PLPPR5: variants seen among roughly 807,000 people sequenced by gnomAD.
The protein encoded by PLPPR5 is phospholipid phosphatase-related protein type 5.
PLPPR5 carries 16 observed loss-of-function variants against 33.9 expected under a neutral mutation model. The ratio of observed to expected loss-of-function variants is 0.47; its 90% CI spans 0.32 to 0.72. PLPPR5 has a LOEUF of 0.72. Among genes scored for constraint, PLPPR5 ranks in the 30% least tolerant of loss-of-function variants. The pLI, the probability that PLPPR5 is intolerant of heterozygous loss-of-function variation, is 0.03. For missense variants in PLPPR5, 301 were observed against 406.7 expected, an observed-to-expected ratio of 0.74 and a Z score of 2.23; for synonymous variants, 163 against 150.3, an observed-to-expected ratio of 1.08 and a Z score of -0.62.
intron 5 of PLPPR5, among the ~76,000 whole-genome samples, chr1:98,900,181 C>T (rs1648640610): frequency 6.6e-6 from 1 of 152,046 alleles, no homozygotes. Flanking sequence ...GCTTCTTTTT[C>T]ACTCCTTCTG....
chr1:98,918,697 T>C (rs1649446065), intron 4 of PLPPR5, among the ~76,000 whole-genome samples: 1 of 152,158 alleles, frequency 6.6e-6, no homozygotes, highest in South Asian at 2.1e-4. Flanking sequence ...CTGAGCCAAA[T>C]CTCAAATGTG....
At chr1:98,976,151 CT>C (rs978620858) in intron 1 of PLPPR5, among the ~76,000 whole-genome samples, 28 of 131,168 alleles carry the variant, frequency 2.1e-4, no homozygotes, top group African/African-American at 6.7e-4. Flanking sequence ...TCTCAAACAA[CT>C]TTTTTTTTAA....
rs181766467 is a variant in PLPPR5 at position 98,922,160 on chromosome 1, C to T, written c.622-102G>A. 492 of 1,021,930 alleles carry T rather than the reference C, an allele frequency of 4.8e-4. No individual in the cohort carries two copies. The African/African-American group carries it at 7.0e-3, about 15-fold the overall frequency. 63.3% of individuals were successfully genotyped at this position (1,021,930 alleles called of 1,614,324 possible). Reference sequence around the variant, plus strand: ...AAACATATATTTATAGACATATATACGCCTGTATGATTCAAATCATTAACT... The same window carrying T: ...AAACATATATTTATAGACATATATATGCCTGTATGATTCAAATCATTAACT... On this transcript the variant is annotated intron_variant, in intron 3 of 5. Transcript: ENST00000263177.
chr1:98,926,328 A>G (rs919106140), intron 3 of PLPPR5, among the ~76,000 whole-genome samples: 15 of 152,136 alleles, frequency 9.9e-5, no homozygotes, highest in African/African-American at 3.4e-4. Flanking sequence ...ATTGCACCCT[A>G]TAGTCTTAAC....
chr1:98,896,977 C>T (rs1448343523), intron 5 of PLPPR5, among the ~76,000 whole-genome samples: 1 of 151,970 alleles, frequency 6.6e-6, no homozygotes, highest in Non-Finnish European at 1.5e-5. Context: ...AAAAAGGGCA[C>T]TCCAGGGAAG....
At chr1:98,986,220 T>C (rs1419009502) in intron 1 of PLPPR5, among the ~76,000 whole-genome samples, 1 of 151,952 alleles carries the variant, frequency 6.6e-6, no homozygotes, top group East Asian at 1.9e-4. Context: ...AAAGTATATA[T>C]ACTTTGGCAT....
At chr1:98,956,209 T>C (rs1482720055) in intron 2 of PLPPR5, among the ~76,000 whole-genome samples, 1 of 152,204 alleles carries the variant, frequency 6.6e-6, no homozygotes, top group Non-Finnish European at 1.5e-5. Flanking sequence ...AATCACGTAA[T>C]TTTTGGCTCT....
chr1:98,924,381 C>T (rs1326969530), intron 3 of PLPPR5, among the ~76,000 whole-genome samples: 3 of 152,146 alleles, frequency 2.0e-5, no homozygotes, highest in Non-Finnish European at 2.9e-5. Flanking sequence ...TCCTAATCTT[C>T]CTTTCTTTTT....
chr1:98,992,387 T>G (rs1557696139), intron 1 of PLPPR5, among the ~76,000 whole-genome samples: 1 of 152,170 alleles, frequency 6.6e-6, no homozygotes, highest in Non-Finnish European at 1.5e-5. Flanking sequence ...TCTCTTAAAT[T>G]TATACCACTG....
chr1:98,939,617 C>A (rs879653300), intron 3 of PLPPR5, among the ~76,000 whole-genome samples: 11 of 152,146 alleles, frequency 7.2e-5, no homozygotes, highest in Middle Eastern at 3.4e-3. Flanking sequence ...CACACTCAAC[C>A]AGATGCTCTG....
At chr1:98,989,707 C>CA (rs1217473014) in intron 1 of PLPPR5, among the ~76,000 whole-genome samples, 2 of 152,108 alleles carry the variant, frequency 1.3e-5, no homozygotes, top group Non-Finnish European at 2.9e-5. Flanking sequence ...AGACAATAGC[C>CA]AAAACCCCAA....
At position 98,982,552 on chromosome 1, in the gene PLPPR5, T is replaced by G. The variant is rs867338104; in HGVS notation, c.237+21883A>C. ...TTTTTGTTTTCTATTTCTGCTTTCTTCGGCCCTTTTCTTTCCATAAAACCA... is the reference window on the plus strand; with the variant it reads ...TTTTTGTTTTCTATTTCTGCTTTCTGCGGCCCTTTTCTTTCCATAAAACCA... On this transcript the variant is annotated intron_variant, in intron 1 of 5. Transcript: ENST00000263177. Among the ~76,000 whole-genome samples, 10 of 152,236 alleles carry G rather than the reference T, an allele frequency of 6.6e-5. No individual in the cohort carries two copies. In the South Asian group the frequency reaches 1.0e-3, roughly 16 times the overall value.
intron 1 of PLPPR5, among the ~76,000 whole-genome samples, chr1:98,993,023 T>C (rs1432001929): frequency 6.6e-6 from 1 of 152,060 alleles, no homozygotes; most frequent in African/African-American, 2.4e-5. Flanking sequence ...GAAATAACAA[T>C]AGGGTCTCAT....
At chr1:98,990,845 G>A (rs1193922691) in intron 1 of PLPPR5, 1 of 151,580 alleles carries the variant, frequency 6.6e-6, no homozygotes, top group Non-Finnish European at 1.5e-5. Context: ...AAACAAGAGT[G>A]TCTAAACTAA....
At chr1:98,945,836 T>A (rs1057387966) in intron 3 of PLPPR5, among the ~76,000 whole-genome samples, 1 of 152,206 alleles carries the variant, frequency 6.6e-6, no homozygotes, top group Admixed American at 6.5e-5. Flanking sequence ...AAGCTGGTGA[T>A]GGTTTAGAAA....
At chr1:98,947,927 G>A (rs1437953309) in intron 3 of PLPPR5, among the ~76,000 whole-genome samples, 1 of 152,236 alleles carries the variant, frequency 6.6e-6, no homozygotes, top group Non-Finnish European at 1.5e-5. Context: ...AGAGCACAGG[G>A]ACCTTATACG....
rs1287704463 is a variant in PLPPR5 at position 98,962,468 on chromosome 1, ATTCTATTTCAAATAAGACCAC to A, written c.238-5748_238-5728del. Reference sequence around the variant, plus strand: ...TAAATCCTGTTGATTATATATCTTAATTCTATTTCAAATAAGACCACTTTTATCACTACCTCCATTTTAAAA... The same window carrying A: ...TAAATCCTGTTGATTATATATCTTAATTTTATCACTACCTCCATTTTAAAA... On this transcript the variant is annotated intron_variant, in intron 1 of 5. Coordinates refer to ENST00000263177, the MANE Select transcript of PLPPR5 (RefSeq NM_001037317.2). Among the ~76,000 whole-genome samples, 6 of 152,296 alleles carry A rather than the reference ATTCTATTTCAAATAAGACCAC, an allele frequency of 3.9e-5. No individual in the cohort carries two copies. In the South Asian group the frequency reaches 1.0e-3, roughly 26 times the overall value.
chr1:98,939,490 C>T (rs565124343), intron 3 of PLPPR5, among the ~76,000 whole-genome samples: 7 of 151,952 alleles, frequency 4.6e-5, no homozygotes, highest in Admixed American at 1.3e-4. Context: ...GGGAAATTCT[C>T]CACATGTATT....
rs576135063 is a variant in PLPPR5 at position 98,893,993 on chromosome 1, T to G, written c.934-889A>C. Among the ~76,000 whole-genome samples, 6 of 152,192 alleles carry G rather than the reference T, an allele frequency of 3.9e-5. No individual in the cohort carries two copies. In the South Asian group the frequency reaches 1.0e-3, roughly 26 times the overall value. Reference sequence around the variant, plus strand: ...AATGTTCTCAACATACATATAGCTTTTTTCAAGTTTAAGTATTTTAATTCA... The same window carrying G: ...AATGTTCTCAACATACATATAGCTTGTTTCAAGTTTAAGTATTTTAATTCA... On this transcript the variant is annotated intron_variant, in intron 5 of 5. Transcript: ENST00000263177.
Sources: gnomAD v4.1 joint callset for allele counts (sites outside exome capture counted in the v4.1 genomes callset) on GRCh38, gnomAD v4.1.1 for gene constraint, MANE v1.5 for transcripts, NCBI Gene and HGNC (gene_info 2026-07-23, HGNC 2026-07-21) for gene names.